The following SEMA5B variants were observed in gnomAD, a reference collection of about 807,000 sequenced individuals.
The protein encoded by SEMA5B is semaphorin 5B, also known as semaphorin-5B.
SEMA5B carries 66 observed loss-of-function variants against 135.0 expected under a neutral mutation model. The observed-to-expected ratio is 0.49, with a 90% CI of 0.40 to 0.60. SEMA5B has a LOEUF of 0.60. Ranked by LOEUF, SEMA5B falls within the 20% of genes least tolerant of loss-of-function variation. The probability of loss-of-function intolerance (pLI) is 0.00; values close to 1 mark genes in which losing one functional copy is unlikely to be tolerated. For missense variants in SEMA5B, 1,501 were observed against 1,566.3 expected (o/e 0.96, Z 0.70); for synonymous variants, 690 against 639.5 (o/e 1.08, Z -1.19).
intron 1 of SEMA5B, among the ~76,000 whole-genome samples, chr3:122,973,072 C>A (rs540142582): frequency 6.6e-6 from 1 of 152,292 alleles, no homozygotes; most frequent in African/African-American, 2.4e-5. Context: ...TTTTGGAAAT[C>A]TAAGAGGTAA....
At chr3:122,916,167 C>T (rs1444809057) in intron 12 of SEMA5B, among the ~76,000 whole-genome samples, 1 of 152,210 alleles carries the variant, frequency 6.6e-6, no homozygotes, top group African/African-American at 2.4e-5. Context: ...AGGACTCAAA[C>T]CCTCATCCTC....
At chr3:122,922,211 G>A in intron 11 of SEMA5B, 29 bp downstream of exon 11, 1 of 1,592,408 alleles carries the variant, frequency 6.3e-7, no homozygotes, top group Non-Finnish European at 8.6e-7. Flanking sequence ...CCCCCGACCT[G>A]CAGTCCAGGT....
intron 9 of SEMA5B, among the ~76,000 whole-genome samples, chr3:122,924,161 C>G (rs1208726191): frequency 2.0e-5 from 3 of 152,112 alleles, no homozygotes; most frequent in Non-Finnish European, 2.9e-5. Flanking sequence ...ATATTTTATT[C>G]CATTCTATTC....
Position 122,954,271 on chromosome 3 carries a change from A to G in SEMA5B, c.125-5562T>C, listed in dbSNP as rs184228592. On this transcript the variant is annotated intron_variant, in intron 2 of 22. Transcript: ENST00000357599. ...TGAGCTGAGGACAATCTGAAGACAA[A>G]GACCAGTGACAGGAGACAGAGGCAT... Among the ~76,000 whole-genome samples the G allele has an allele frequency of 4.4e-4, 67 of 152,320 alleles. 1 individual carries two copies. In the East Asian group the frequency reaches 0.012, roughly 28 times the overall value.
intron 1 of SEMA5B, among the ~76,000 whole-genome samples, chr3:123,001,352 A>C (rs568550452): frequency 6.6e-6 from 1 of 152,118 alleles, no homozygotes; most frequent in Non-Finnish European, 1.5e-5. Flanking sequence ...AAGTCCAAGA[A>C]CCATAGATTT....
chr3:122,971,773 C>G (rs530039685), intron 1 of SEMA5B, among the ~76,000 whole-genome samples: 1 of 152,236 alleles, frequency 6.6e-6, no homozygotes. Context: ...AGAGCATGGA[C>G]TTGGAATGGG....
intron 1 of SEMA5B, among the ~76,000 whole-genome samples, chr3:123,020,037 G>A (rs986555093): frequency 1.3e-5 from 2 of 152,166 alleles, no homozygotes; most frequent in East Asian, 3.8e-4. Context: ...AGTCAAAAAC[G>A]GTCTAAATGG....
intron 1 of SEMA5B, among the ~76,000 whole-genome samples, chr3:123,017,317 C>T (rs1024412623): frequency 6.6e-6 from 1 of 151,762 alleles, no homozygotes; most frequent in Non-Finnish European, 1.5e-5. Flanking sequence ...TTCCTTTAAA[C>T]ACAGCCCTAC....
rs2303982 is a variant in SEMA5B, at chr3:122,911,476, T to G, written c.3091+15A>C. 0.78 allele frequency: 1,256,333 copies of G among 1,601,644 alleles called. 503,724 individuals are homozygous for G. Among genetic ancestry groups the G allele is most frequent in the Non-Finnish European group, 0.83 (979,916 of 1,175,050 alleles). On this transcript the variant is annotated intron_variant, in intron 21 of 22. Transcript: ENST00000357599. ...TGGGAGGACCGCAGCATGAGGTAGG[T>G]CCGGTTTCTTTTACCTGCACAGTCG...
intron 1 of SEMA5B, among the ~76,000 whole-genome samples, chr3:122,979,152 G>A (rs1423024103): frequency 6.6e-6 from 1 of 152,216 alleles, no homozygotes; most frequent in Non-Finnish European, 1.5e-5. Flanking sequence ...AAGTCCTCAG[G>A]TGTCTGAAGG....
At chr3:122,970,903 G>C (rs1422650860) in intron 1 of SEMA5B, among the ~76,000 whole-genome samples, 1 of 152,256 alleles carries the variant, frequency 6.6e-6, no homozygotes, top group Non-Finnish European at 1.5e-5. Flanking sequence ...TCTGGGGGTT[G>C]AGCAGAATAG....
At chr3:122,978,877 C>T (rs1004571091) in intron 1 of SEMA5B, among the ~76,000 whole-genome samples, 2 of 152,212 alleles carry the variant, frequency 1.3e-5, no homozygotes, top group African/African-American at 4.8e-5. Flanking sequence ...TTACCACATC[C>T]TGCAGCTCTG....
chr3:122,961,161 A>G lies in SEMA5B; in HGVS notation c.103T>C (p.Trp35Arg). The G allele has an allele frequency of 1.2e-6, 2 of 1,613,076 alleles. No individual in the cohort carries two copies. Among genetic ancestry groups the G allele is most frequent in the Non-Finnish European group, 1.7e-6 (2 of 1,179,392 alleles). ...TTACCCCTGACCAGTGAGAGAAGCC[A>G]GCCCCCTACTGTCCATCCACACCTT... ...QLRCGWTVGG[W>R]LLSLVRGLLP... The change falls in exon 2 of 23, where the codon TGG (tryptophan) becomes CGG (arginine). Residue 35 changes from tryptophan to arginine, a missense_variant. Physicochemically the swap from Trp to Arg is moderately radical, Grantham distance 101. Coordinates refer to ENST00000357599, the MANE Select transcript of SEMA5B (RefSeq NM_001031702.4).
intron 1 of SEMA5B, among the ~76,000 whole-genome samples, chr3:122,963,842 A>C (rs1940699671): frequency 6.6e-6 from 1 of 152,180 alleles, no homozygotes; most frequent in Admixed American, 6.5e-5. Flanking sequence ...CTACCCTCTC[A>C]GTTGGCCCTA....
rs759665487 is a variant in SEMA5B at position 122,913,248 on chromosome 3, G to A, written c.2457C>T (p.Thr819=). The change falls in exon 17 of 23, where the codon ACC becomes ACT. Residue 819 remains threonine (T), a synonymous_variant. Coordinates refer to ENST00000357599, the MANE Select transcript of SEMA5B (RefSeq NM_001031702.4). The part of the protein sequence containing the change: ...PHGLQFGRRR[T]ETRTCPADGS... ...CGTCCGCGGGACAGGTCCTCGTCTCGGTCCTTCTCCTGCCGAACTGCAGGC... is the reference window on the plus strand; with the variant it reads ...CGTCCGCGGGACAGGTCCTCGTCTCAGTCCTTCTCCTGCCGAACTGCAGGC... 5.0e-6 allele frequency: 8 copies of A among 1,586,504 alleles called. No individual in the cohort carries two copies. Among genetic ancestry groups the A allele is most frequent in the Middle Eastern group, 1.7e-4 (1 of 6,034 alleles).
At chr3:122,973,912 T>C (rs1005575642) in intron 1 of SEMA5B, among the ~76,000 whole-genome samples, 7 of 152,192 alleles carry the variant, frequency 4.6e-5, no homozygotes, top group Admixed American at 1.3e-4. Flanking sequence ...GCCCAATACC[T>C]GGTACTCTGG....
Position 122,913,971 on chromosome 3 carries a change from C to T in SEMA5B, c.2019G>A (p.Trp673Ter). 6.2e-7 allele frequency: 1 copy of T among 1,607,886 alleles called. No homozygotes were observed. Among genetic ancestry groups the T allele is most frequent in the Admixed American group, 1.7e-5 (1 of 59,672 alleles). The change falls in exon 15 of 23, where the codon TGG becomes TGA. Residue 673 changes from tryptophan to a stop codon, truncating the protein, a stop_gained. Coordinates refer to ENST00000357599, the MANE Select transcript of SEMA5B (RefSeq NM_001031702.4). LOFTEE classifies it high-confidence loss of function. ...TGCCACAGGACGTGCTGCACAGCGC[C>T]CACGATGACCACGGGGTCCACGCCC... ...RNGAWTPWSS[W>*]ALCSTSCGIG...
intron 5 of SEMA5B, among the ~76,000 whole-genome samples, chr3:122,938,357 C>T (rs2060090): frequency 0.41 from 62,540 of 151,898 alleles, 14,089 homozygotes; most frequent in Non-Finnish European, 0.51. Context: ...TTTCTTTCAA[C>T]TTGCCCTAGT....
intron 4 of SEMA5B, 114 bp from the exon 5 acceptor site, chr3:122,939,584 G>C (rs1323460578): frequency 5.2e-6 from 4 of 768,392 alleles, no homozygotes; most frequent in Non-Finnish European, 9.4e-6. Context: ...TGATTGCCTA[G>C]GGTCAACCCC....
Sources: gnomAD v4.1 joint callset for allele counts (sites outside exome capture counted in the v4.1 genomes callset) on GRCh38, gnomAD v4.1.1 for gene constraint, MANE v1.5 for transcripts, NCBI Gene and HGNC (gene_info 2026-07-23, HGNC 2026-07-21) for gene names.